Variants in PDGFC observed in about 807,000 individuals in gnomAD.
PDGFC encodes the protein platelet-derived growth factor C.
A neutral mutation model predicts 35.5 loss-of-function variants in PDGFC; 12 were observed. That is an observed-to-expected ratio of 0.34 (90% CI 0.22 to 0.55). The LOEUF (loss-of-function observed/expected upper bound fraction) is 0.55. Among genes scored for constraint, PDGFC ranks in the 20% least tolerant of loss-of-function variants. PDGFC has a pLI of 0.91. For missense variants in PDGFC, 322 were observed against 412.4 expected, an observed-to-expected ratio of 0.78 and a Z score of 1.90; for synonymous variants, 159 against 148.8, an observed-to-expected ratio of 1.07 and a Z score of -0.50.
At chr4:156,853,347 T>C (rs1579056576) in intron 1 of PDGFC, among the ~76,000 whole-genome samples, 1 of 152,184 alleles carries the variant, frequency 6.6e-6, no homozygotes, top group African/African-American at 2.4e-5. Flanking sequence ...AGTTAGACTA[T>C]GACTAAGGTT....
At chr4:156,822,274 G>T (rs1441661317) in intron 2 of PDGFC, among the ~76,000 whole-genome samples, 1 of 150,764 alleles carries the variant, frequency 6.6e-6, no homozygotes, top group African/African-American at 2.4e-5. Flanking sequence ...CAGGAGAATG[G>T]CGTGAACCCG....
In PDGFC at chr4:156,762,408, A is replaced by G. The variant is rs1356519052; in HGVS notation, c.*682T>C. Reference sequence around the variant, plus strand: ...GAAACAAATAAACTGACTTATCGATAAAGTGAAGATAAGGCCACTCTTCTT... The same window carrying G: ...GAAACAAATAAACTGACTTATCGATGAAGTGAAGATAAGGCCACTCTTCTT... On this transcript the variant is annotated 3_prime_UTR_variant, in exon 6 of 6. Coordinates refer to ENST00000502773, the MANE Select transcript of PDGFC (RefSeq NM_016205.3). The G allele has an allele frequency of 6.6e-6, 1 of 152,602 alleles. No homozygotes were observed. The highest frequency in any genetic ancestry group is 1.5e-5 in the Non-Finnish European group (1 of 68,028). The allele number at this position is 152,602 out of a possible 1,614,324, so 9.5% of individuals were successfully genotyped here.
intron 1 of PDGFC, among the ~76,000 whole-genome samples, chr4:156,882,823 G>T: frequency 6.6e-6 from 1 of 152,120 alleles, no homozygotes; most frequent in Non-Finnish European, 1.5e-5. Context: ...GGTGGCTCAC[G>T]CCTGTAATCC....
intron 3 of PDGFC, among the ~76,000 whole-genome samples, chr4:156,799,525 A>G (rs942517988): frequency 6.6e-6 from 1 of 152,222 alleles, no homozygotes; most frequent in Non-Finnish European, 1.5e-5. Context: ...AGTCTTTTGC[A>G]TACCAGAGTG....
In PDGFC at chr4:156,941,260, G is replaced by A. The variant is rs935196649; in HGVS notation, c.118+29526C>T. ...CATAATGAAGGGGTTCTTCAATAAC[G>A]TATACAGTTTAAAAGTAATGCTATT... On this transcript the variant is annotated intron_variant, in intron 1 of 5. Transcript: ENST00000502773. Among the ~76,000 whole-genome samples the A allele has an allele frequency of 7.9e-5, 12 of 152,220 alleles. No individual in the cohort carries two copies. In the South Asian group the frequency reaches 2.1e-3, roughly 26 times the overall value.
At chr4:156,825,584 T>TAAGAAG (rs1371864016) in intron 2 of PDGFC, among the ~76,000 whole-genome samples, 1,099 of 89,854 alleles carry the variant, frequency 0.012, 7 homozygotes, top group Non-Finnish European at 0.015. Flanking sequence ...ATAATAATAA[T>TAAGAAG]AATAATAATA....
Position 156,825,575 on chromosome 4 carries a change from TAATAATAATAATAATAATAAG to T in PDGFC, c.315-14579_315-14559del, listed in dbSNP as rs1258559091. Among the ~76,000 whole-genome samples, 13 of 95,580 alleles carry T rather than the reference TAATAATAATAATAATAATAAG, an allele frequency of 1.4e-4. No individual in the cohort carries two copies. The South Asian group carries it at 1.7e-3, about 13-fold the overall frequency. 62.7% of individuals were successfully genotyped at this position (95,580 alleles called of 152,430 possible). A position where few individuals can be genotyped will look rare whatever the true frequency, so the allele number is the denominator to read the frequency against. ...CAAATAATAATAATAATAATAATAA[TAATAATAATAATAATAATAAG>T]AAGAAGAAGAAGAAGAAGAAGAAGA... On this transcript the variant is annotated intron_variant, in intron 2 of 5. Coordinates refer to ENST00000502773, the MANE Select transcript of PDGFC (RefSeq NM_016205.3).
intron 2 of PDGFC, 137 bp from the exon 3 acceptor site, chr4:156,811,154 T>A (rs956449544): frequency 2.1e-6 from 1 of 471,812 alleles, no homozygotes. Flanking sequence ...GAACATATAA[T>A]TAAGAATTCT....
intron 1 of PDGFC, among the ~76,000 whole-genome samples, chr4:156,931,201 T>C (rs1418647906): frequency 6.6e-6 from 1 of 152,202 alleles, no homozygotes; most frequent in Non-Finnish European, 1.5e-5. Context: ...ATGAATTCTT[T>C]TGTATTAGGG....
chr4:156,843,531 A>G (rs1729254591), intron 2 of PDGFC, among the ~76,000 whole-genome samples: 1 of 152,180 alleles, frequency 6.6e-6, no homozygotes, highest in Non-Finnish European at 1.5e-5. Flanking sequence ...CATACCACAG[A>G]AAGGAACCAT....
chr4:156,821,066 A>C (rs1732239508), intron 2 of PDGFC, among the ~76,000 whole-genome samples: 1 of 152,200 alleles, frequency 6.6e-6, no homozygotes. Flanking sequence ...TCGGGTAAGC[A>C]CAGAGGCTAG....
intron 1 of PDGFC, among the ~76,000 whole-genome samples, chr4:156,943,312 T>C (rs1400138548): frequency 6.6e-6 from 1 of 152,136 alleles, no homozygotes; most frequent in African/African-American, 2.4e-5. Flanking sequence ...TTGATATTAT[T>C]CGCTCTAAAT....
chr4:156,841,830 G>T (rs1729213150), intron 2 of PDGFC, among the ~76,000 whole-genome samples: 1 of 152,110 alleles, frequency 6.6e-6, no homozygotes, highest in African/African-American at 2.4e-5. Context: ...ATAGCACCAT[G>T]AGAATGGACT....
chr4:156,955,992 A>G (rs1732200001), intron 1 of PDGFC, among the ~76,000 whole-genome samples: 1 of 151,966 alleles, frequency 6.6e-6, no homozygotes, highest in African/African-American at 2.4e-5. Context: ...CCTGACCCAA[A>G]AGTAGAACAT....
chr4:156,889,997 T>C (rs910515885), intron 1 of PDGFC, among the ~76,000 whole-genome samples: 1 of 152,170 alleles, frequency 6.6e-6, no homozygotes, highest in African/African-American at 2.4e-5. Flanking sequence ...TTAACTCTTT[T>C]ACTTATTTAT....
intron 2 of PDGFC, among the ~76,000 whole-genome samples, chr4:156,840,077 G>C (rs922034095): frequency 6.6e-6 from 1 of 152,212 alleles, no homozygotes; most frequent in Non-Finnish European, 1.5e-5. Context: ...TTTCTGAAGA[G>C]AAATTCAAGC....
At chr4:156,787,083 T>A (rs1221461784) in intron 3 of PDGFC, among the ~76,000 whole-genome samples, 1 of 152,172 alleles carries the variant, frequency 6.6e-6, no homozygotes, top group African/African-American at 2.4e-5. Context: ...CTAAAAGTCA[T>A]GAGACTGGAC....
intron 1 of PDGFC, among the ~76,000 whole-genome samples, chr4:156,949,429 G>C (rs1732027098): frequency 6.6e-6 from 1 of 151,624 alleles, no homozygotes; most frequent in African/African-American, 2.4e-5. Flanking sequence ...ATGTGTGTGT[G>C]TCTCTCTCTC....
chr4:156,883,488 C>T lies in PDGFC; in HGVS notation c.119-33072G>A, dbSNP rs953275628. Reference sequence around the variant, plus strand: ...TACCCCAAGAATAATACATTTGAGGCAAGGTTTATGTTAGATTATTTTGGA... The same window carrying T: ...TACCCCAAGAATAATACATTTGAGGTAAGGTTTATGTTAGATTATTTTGGA... On this transcript the variant is annotated intron_variant, in intron 1 of 5. Transcript: ENST00000502773. Among the ~76,000 whole-genome samples the T allele has an allele frequency of 2.0e-5, 3 of 152,202 alleles. No homozygotes were observed. The South Asian group carries it at 6.2e-4, about 32-fold the overall frequency.
Sources: allele counts gnomAD v4.1 joint callset (sites outside exome capture counted in the v4.1 genomes callset), GRCh38; gene constraint gnomAD v4.1.1; transcripts MANE v1.5; gene names NCBI Gene and HGNC (gene_info 2026-07-23, HGNC 2026-07-21).